Variants in SYT16 observed in about 807,000 individuals in gnomAD.
SYT16 encodes the protein synaptotagmin 16.
Under a neutral mutation model 61.4 loss-of-function variants are expected in SYT16, and 42 were observed. The ratio of observed to expected loss-of-function variants is 0.68; its 90% CI spans 0.53 to 0.89. SYT16 has a LOEUF of 0.89. SYT16 is among the 40% of genes least tolerant of loss of function. SYT16 has a pLI of 0.00. For synonymous variants in SYT16, 314 were observed against 302.3 expected (o/e 1.04, Z -0.40); for missense variants, 804 against 807.3 (o/e 1.00, Z 0.05).
At chr14:61,876,640 T>G (rs1463692118) in intron 1 of SYT16, among the ~76,000 whole-genome samples, 1 of 152,246 alleles carries the variant, frequency 6.6e-6, no homozygotes, top group Non-Finnish European at 1.5e-5. Flanking sequence ...CACTATTGGC[T>G]ATTTCAGGAA....
intron 1 of SYT16, among the ~76,000 whole-genome samples, chr14:61,823,574 CAAAAA>C (rs55935256): frequency 0.01 from 734 of 71,030 alleles, 9 homozygotes; most frequent in African/African-American, 0.039. Context: ...ACTAAAAATA[CAAAAA>C]AAAAAAAAAA....
chr14:62,011,093 A>G lies in SYT16; in HGVS notation c.523+14551A>G, dbSNP rs1017342665. Among the ~76,000 whole-genome samples, 99 of 152,198 alleles carry G rather than the reference A, an allele frequency of 6.5e-4. 5 individuals are homozygous for G. The highest frequency in any genetic ancestry group is 2.9e-5 in the Non-Finnish European group (2 of 68,022). On this transcript the variant is annotated intron_variant, in intron 3 of 7. Coordinates refer to ENST00000683842, the MANE Select transcript of SYT16 (RefSeq NM_001367656.1). ...CAATATTGCTTATGTCCCAGAAACCATGCTATTTACACAATTGAACTAAAC... is the reference window on the plus strand; with the variant it reads ...CAATATTGCTTATGTCCCAGAAACCGTGCTATTTACACAATTGAACTAAAC...
intron 1 of SYT16, among the ~76,000 whole-genome samples, chr14:61,913,104 A>G: frequency 6.6e-6 from 1 of 152,194 alleles, no homozygotes; most frequent in East Asian, 1.9e-4. Context: ...CAGCTCAAAC[A>G]TGTTTTTATC....
In SYT16 at chr14:61,974,643, G is replaced by A. The variant is rs138622687; in HGVS notation, c.-145+4332G>A. ...CTCCCTGCTGTAAGGGAACATGAAG[G>A]TGGGAGTGGAAATCCCAAAGACTGA... On this transcript the variant is annotated intron_variant, in intron 2 of 7. Coordinates refer to ENST00000683842, the MANE Select transcript of SYT16 (RefSeq NM_001367656.1). Among the ~76,000 whole-genome samples, 576 of 152,310 alleles carry A rather than the reference G, an allele frequency of 3.8e-3. 4 individuals carry two copies. Among genetic ancestry groups the A allele is most frequent in the Non-Finnish European group, 7.1e-3 (483 of 68,020 alleles).
In SYT16 at chr14:61,819,247, G is replaced by A. The variant is rs186884584; in HGVS notation, c.-325+6437G>A. ...TTTTAGATCACTAGGGTATTATTTA[G>A]TCATTAACTATTATTTAGCATTATG... On this transcript the variant is annotated intron_variant, in intron 1 of 7. Coordinates refer to ENST00000683842, the MANE Select transcript of SYT16 (RefSeq NM_001367656.1). Among the ~76,000 whole-genome samples the A allele has an allele frequency of 2.0e-5, 3 of 152,254 alleles. No individual in the cohort carries two copies. The East Asian group carries it at 5.8e-4, about 29-fold the overall frequency.
chr14:61,928,764 G>C (rs2049638425), intron 1 of SYT16, among the ~76,000 whole-genome samples: 3 of 152,138 alleles, frequency 2.0e-5, no homozygotes, highest in African/African-American at 7.2e-5. Context: ...AATAACCTGG[G>C]TTAAGAACTG....
chr14:62,042,186 G>T (rs2054760482), intron 3 of SYT16, among the ~76,000 whole-genome samples: 2 of 150,646 alleles, frequency 1.3e-5, no homozygotes, highest in Admixed American at 1.3e-4. Context: ...TTTTTTTTGT[G>T]GGGGTGGGAT....
At chr14:62,031,901 C>T (rs1595205630) in intron 3 of SYT16, among the ~76,000 whole-genome samples, 1 of 151,956 alleles carries the variant, frequency 6.6e-6, no homozygotes, top group African/African-American at 2.4e-5. Context: ...TAAGGGAGGG[C>T]CTATACAGAG....
Position 62,077,628 on chromosome 14 carries a change from AGTG to A in SYT16, c.993+2240_993+2242del, listed in dbSNP as rs556290440. 5.2e-5 allele frequency: 8 copies of A among 152,390 alleles called. No individual in the cohort carries two copies. The South Asian group carries it at 1.7e-3, about 32-fold the overall frequency. 9.4% of individuals were successfully genotyped at this position (152,390 alleles called of 1,614,324 possible). On this transcript the variant is annotated intron_variant, in intron 5 of 7. Transcript: ENST00000683842. The stretch of plus-strand genomic sequence containing the variant: ...ACCTTGCAGGAAGGTCAGATGGATT[AGTG>A]GTATTAACAGTACCCAAGTGAGGAG...
chr14:61,895,699 T>C (rs1352585385), intron 1 of SYT16, among the ~76,000 whole-genome samples: 1 of 152,244 alleles, frequency 6.6e-6, no homozygotes, highest in Non-Finnish European at 1.5e-5. Context: ...TATGTATTTC[T>C]ACTATATTGT....
chr14:62,075,509 T>C, intron 5 of SYT16, 118 bp downstream of exon 5: 3 of 1,236,008 alleles, frequency 2.4e-6, no homozygotes, highest in Non-Finnish European at 3.2e-6. Context: ...ATTACTTTTA[T>C]CTGCAATAAA....
At chr14:62,021,013 T>A (rs776108042) in intron 3 of SYT16, among the ~76,000 whole-genome samples, 13 of 152,200 alleles carry the variant, frequency 8.5e-5, no homozygotes, top group Non-Finnish European at 1.5e-4. Context: ...GCCCTGCTCA[T>A]GGTTTTATTC....
intron 1 of SYT16, among the ~76,000 whole-genome samples, chr14:61,837,693 T>C (rs1011289813): frequency 2.6e-5 from 4 of 152,238 alleles, no homozygotes; most frequent in Non-Finnish European, 5.9e-5. Context: ...CCAATTATTC[T>C]GTATTGCCTG....
intron 3 of SYT16, among the ~76,000 whole-genome samples, chr14:62,013,193 G>C (rs188550309): frequency 1.3e-5 from 2 of 152,278 alleles, no homozygotes; most frequent in Non-Finnish European, 2.9e-5. Flanking sequence ...AATAAAAGGT[G>C]ATCATTTTAG....
Position 62,050,746 on chromosome 14 carries a change from C to G in SYT16, c.524-18857C>G, listed in dbSNP as rs376014709. Among the ~76,000 whole-genome samples, 65 of 152,286 alleles carry G rather than the reference C, an allele frequency of 4.3e-4. No individual in the cohort carries two copies. The East Asian group carries it at 7.9e-3, about 19-fold the overall frequency. ...GTTTGCTGGAGGTCCACGCCAGACCCTGTTTGCCTGGGTATCAGCAGTGGT... is the reference window on the plus strand; with the variant it reads ...GTTTGCTGGAGGTCCACGCCAGACCGTGTTTGCCTGGGTATCAGCAGTGGT... On this transcript the variant is annotated intron_variant, in intron 3 of 7. Transcript: ENST00000683842.
intron 2 of SYT16, among the ~76,000 whole-genome samples, chr14:61,982,235 G>A (rs573760851): frequency 1.3e-5 from 2 of 152,162 alleles, no homozygotes; most frequent in East Asian, 3.9e-4. Context: ...CTTTTTGCCT[G>A]GTTGATAGTT....
Position 62,100,738 on chromosome 14 carries a change from CA to C in SYT16, c.*32del. On this transcript the variant is annotated 3_prime_UTR_variant, in exon 8 of 8. Coordinates refer to ENST00000683842, the MANE Select transcript of SYT16 (RefSeq NM_001367656.1). ...CTAACCTGCATTTGTGTGCTGTGTC[CA>C]CCTTGGTTACCTGTGTTGCTGTCTA... 6.3e-7 allele frequency: 1 copy of C among 1,590,998 alleles called. No homozygotes were observed. The highest frequency in any genetic ancestry group is 8.6e-7 in the Non-Finnish European group (1 of 1,168,820).
At chr14:62,020,093 A>T (rs539872800) in intron 3 of SYT16, among the ~76,000 whole-genome samples, 1 of 152,326 alleles carries the variant, frequency 6.6e-6, no homozygotes, top group African/African-American at 2.4e-5. Flanking sequence ...CATAAATCAC[A>T]TGTAGTGGTT....
chr14:61,977,236 G>T (rs1406340190), intron 2 of SYT16, among the ~76,000 whole-genome samples: 1 of 152,146 alleles, frequency 6.6e-6, no homozygotes, highest in Non-Finnish European at 1.5e-5. Flanking sequence ...ATCTTTGCCT[G>T]TTACCCAGTT....
Sources: gnomAD v4.1 joint callset for allele counts (sites outside exome capture counted in the v4.1 genomes callset) on GRCh38, gnomAD v4.1.1 for gene constraint, MANE v1.5 for transcripts, NCBI Gene and HGNC (gene_info 2026-07-23, HGNC 2026-07-21) for gene names.